Variants in STK32A observed in about 807,000 individuals in gnomAD.
STK32A encodes the protein serine/threonine-protein kinase 32A.
A neutral mutation model predicts 53.2 loss-of-function variants in STK32A; 41 were observed. The ratio of observed to expected loss-of-function variants is 0.77; its 90% CI spans 0.60 to 1.00. STK32A has a LOEUF of 1.00. Among genes scored for constraint, STK32A ranks in the 50% least tolerant of loss-of-function variants. The probability of loss-of-function intolerance (pLI) is 0.00; values close to 1 mark genes in which losing one functional copy is unlikely to be tolerated. For synonymous variants in STK32A, 166 were observed against 162.8 expected, an observed-to-expected ratio of 1.02 and a Z score of -0.15; for missense variants, 458 against 485.8, an observed-to-expected ratio of 0.94 and a Z score of 0.54.
chr5:147,350,444 C>A (rs933340456), intron 6 of STK32A, among the ~76,000 whole-genome samples: 10 of 152,046 alleles, frequency 6.6e-5, no homozygotes, highest in Admixed American at 5.9e-4. Flanking sequence ...TCACTGCAAC[C>A]TCTGCCTCCC....
chr5:147,348,426 G>A (rs1755792834), intron 6 of STK32A, among the ~76,000 whole-genome samples: 1 of 152,130 alleles, frequency 6.6e-6, no homozygotes, highest in Non-Finnish European at 1.5e-5. Flanking sequence ...AACCCACAGA[G>A]TTTCTGATTT....
At chr5:147,307,486 T>G (rs112997856) in intron 4 of STK32A, among the ~76,000 whole-genome samples, 5,088 of 152,010 alleles carry the variant, frequency 0.033, 257 homozygotes, top group African/African-American at 0.12. Flanking sequence ...CCGGGTGTAA[T>G]GGCACATGCC....
intron 8 of STK32A, among the ~76,000 whole-genome samples, chr5:147,367,696 C>T (rs1756825250): frequency 6.6e-6 from 1 of 152,082 alleles, no homozygotes; most frequent in Non-Finnish European, 1.5e-5. Flanking sequence ...CGGCCATTTT[C>T]ACTTCTTTTG....
chr5:147,275,442 C>A (rs1474219755), intron 2 of STK32A, among the ~76,000 whole-genome samples: 1 of 152,028 alleles, frequency 6.6e-6, no homozygotes, highest in Admixed American at 6.5e-5. Context: ...CCCCCTGCCT[C>A]AATTTCTGAG....
chr5:147,378,442 C>T (rs1251140478), intron 11 of STK32A, among the ~76,000 whole-genome samples: 4 of 152,152 alleles, frequency 2.6e-5, no homozygotes, highest in African/African-American at 9.7e-5. Flanking sequence ...TGTGACATTA[C>T]TCATCCTCCC....
At chr5:147,346,418 T>A (rs1428307713) in intron 6 of STK32A, among the ~76,000 whole-genome samples, 1 of 152,222 alleles carries the variant, frequency 6.6e-6, no homozygotes, top group Non-Finnish European at 1.5e-5. Context: ...TACATTTTTA[T>A]GCAACACGAT....
At chr5:147,325,382 G>T (rs1007012750) in intron 5 of STK32A, among the ~76,000 whole-genome samples, 2 of 151,604 alleles carry the variant, frequency 1.3e-5, no homozygotes, top group African/African-American at 4.8e-5. Flanking sequence ...CCAACTTTTG[G>T]CCTCAAGTTG....
downstream of STK32A, among the ~76,000 whole-genome samples, chr5:147,390,410 C>G (rs1757767466): frequency 6.7e-6 from 1 of 148,394 alleles, no homozygotes; most frequent in Non-Finnish European, 1.5e-5. Context: ...TTCTTCAAGT[C>G]TAGGCTATTA....
intron 1 of STK32A, among the ~76,000 whole-genome samples, chr5:147,237,206 G>A (rs573169473): frequency 6.5e-4 from 99 of 152,076 alleles, no homozygotes; most frequent in Non-Finnish European, 1.2e-3. Context: ...TCAGCTACTT[G>A]GGAGGCTGAG....
At chr5:147,289,799 C>A (rs947717341) in intron 4 of STK32A, among the ~76,000 whole-genome samples, 4 of 152,088 alleles carry the variant, frequency 2.6e-5, no homozygotes, top group Admixed American at 6.6e-5. Flanking sequence ...TTGGTGTATG[C>A]TTTTCAGTAA....
chr5:147,340,513 T>G (rs1755353879), intron 5 of STK32A, among the ~76,000 whole-genome samples: 1 of 152,334 alleles, frequency 6.6e-6, no homozygotes, highest in South Asian at 2.1e-4. Flanking sequence ...CAACTTGCTC[T>G]AGTAGGAATT....
At chr5:147,288,030 T>G (rs897691552) in intron 4 of STK32A, among the ~76,000 whole-genome samples, 23 of 152,318 alleles carry the variant, frequency 1.5e-4, no homozygotes, top group African/African-American at 5.5e-4. Context: ...GTTTGCTAAT[T>G]TGGTGTCATT....
At chr5:147,299,490 T>G (rs1161837572) in intron 4 of STK32A, among the ~76,000 whole-genome samples, 1 of 152,188 alleles carries the variant, frequency 6.6e-6, no homozygotes, top group Non-Finnish European at 1.5e-5. Context: ...CCAGCTCCTA[T>G]TTAAGATGGA....
intron 11 of STK32A, 87 bp downstream of exon 11, chr5:147,375,305 C>T (rs1280300479): frequency 6.7e-7 from 1 of 1,489,960 alleles, no homozygotes; most frequent in Non-Finnish European, 9.0e-7. Context: ...GAGGTCATTT[C>T]AGCTTCCTGC....
chr5:147,368,874 G>A (rs1756886452), intron 8 of STK32A, among the ~76,000 whole-genome samples: 1 of 151,804 alleles, frequency 6.6e-6, no homozygotes, highest in Non-Finnish European at 1.5e-5. Context: ...TTTTCTAGGT[G>A]GCCCAGAAAC....
At chr5:147,346,343 A>T (rs969718794) in intron 6 of STK32A, among the ~76,000 whole-genome samples, 1 of 152,122 alleles carries the variant, frequency 6.6e-6, no homozygotes, top group Non-Finnish European at 1.5e-5. Context: ...AAGGGTAACC[A>T]CCTATCTCTC....
At chr5:147,352,931 G>A (rs1756052090) in intron 7 of STK32A, among the ~76,000 whole-genome samples, 1 of 152,156 alleles carries the variant, frequency 6.6e-6, no homozygotes, top group Admixed American at 6.5e-5. Context: ...AAGGGAGGGA[G>A]GCTCCTGTCA....
At chr5:147,297,992 A>AAAT (rs1752947368) in intron 4 of STK32A, among the ~76,000 whole-genome samples, 1 of 151,492 alleles carries the variant, frequency 6.6e-6, no homozygotes, top group Non-Finnish European at 1.5e-5. Context: ...AAAAAAAAAA[A>AAAT]ATACTATCTG....
the STK32A span, chr5:147,400,613 C>T: frequency 1.3e-6 from 2 of 1,542,974 alleles, no homozygotes; most frequent in Non-Finnish European, 1.8e-6. Context: ...TGTCACCAGC[C>T]CAACTGGTGG....
Sources: allele counts gnomAD v4.1 joint callset (sites outside exome capture counted in the v4.1 genomes callset), GRCh38; gene constraint gnomAD v4.1.1; transcripts MANE v1.5; gene names NCBI Gene and HGNC (gene_info 2026-07-23, HGNC 2026-07-21).